PYY: variants seen among roughly 807,000 people sequenced by gnomAD.
PYY encodes the protein peptide YY, also known as peptide tyrosine tyrosine.
PYY carries 12 observed loss-of-function variants against 10.3 expected under a neutral mutation model. That is an observed-to-expected ratio of 1.17 (90% CI 0.75 to 1.89). The LOEUF is 1.89. Among genes scored for constraint, PYY ranks in the 40% most tolerant of loss-of-function variants. The probability of loss-of-function intolerance (pLI) is 0.00; values close to 1 mark genes in which losing one functional copy is unlikely to be tolerated. For synonymous variants in PYY, 66 were observed against 62.0 expected (o/e 1.06, Z -0.30); for missense variants, 141 against 134.0 (o/e 1.05, Z -0.26).
intron 1 of PYY, among the ~76,000 whole-genome samples, chr17:43,975,079 G>C (rs2048819925): frequency 6.6e-6 from 1 of 152,120 alleles, no homozygotes; most frequent in Non-Finnish European, 1.5e-5. Context: ...ATGTCTGCAG[G>C]ATGTCAGGAG....
At chr17:43,959,509 C>T (rs905794208) in intron 2 of PYY, among the ~76,000 whole-genome samples, 2 of 152,116 alleles carry the variant, frequency 1.3e-5, no homozygotes, top group Non-Finnish European at 2.9e-5. Context: ...TGTCGAAACC[C>T]TGTCTGTACT....
At chr17:43,975,729 T>A (rs201974600) in intron 1 of PYY, among the ~76,000 whole-genome samples, 5,259 of 65,216 alleles carry the variant, frequency 0.081, 1,577 homozygotes, top group East Asian at 0.59. Flanking sequence ...AAAAAAAATA[T>A]ATATATATAT....
chr17:43,993,649 T>C (rs141654277), intron 1 of PYY, among the ~76,000 whole-genome samples: 2 of 151,298 alleles, frequency 1.3e-5, no homozygotes, highest in East Asian at 1.9e-4. Context: ...TGCTGTGACA[T>C]ACTGATAAGT....
intron 1 of PYY, among the ~76,000 whole-genome samples, chr17:43,999,571 A>G (rs1230824923): frequency 2.0e-5 from 3 of 151,944 alleles, no homozygotes; most frequent in Admixed American, 1.3e-4. Context: ...GTTCAAGACC[A>G]GTCTGGCTAA....
intron 1 of PYY, among the ~76,000 whole-genome samples, chr17:43,997,490 G>A (rs1307850672): frequency 1.3e-5 from 2 of 152,204 alleles, no homozygotes; most frequent in African/African-American, 4.8e-5. Context: ...TATGTGAAGA[G>A]GTCCTCATGG....
At chr17:43,974,058 T>C (rs1198195061) in intron 1 of PYY, among the ~76,000 whole-genome samples, 1 of 152,150 alleles carries the variant, frequency 6.6e-6, no homozygotes, top group East Asian at 1.9e-4. Context: ...CATAGTCTGG[T>C]GAGTATGAAT....
intron 1 of PYY, among the ~76,000 whole-genome samples, chr17:43,991,842 C>T (rs1011895157): frequency 1.3e-5 from 2 of 150,820 alleles, no homozygotes; most frequent in Admixed American, 6.6e-5. Context: ...AAAAAAAGGC[C>T]GGGCGCGGTG....
At chr17:43,994,164 A>T (rs201855455) in intron 1 of PYY, among the ~76,000 whole-genome samples, 3 of 147,102 alleles carry the variant, frequency 2.0e-5, no homozygotes, top group African/African-American at 5.0e-5. Context: ...TGAAAAAAAA[A>T]TTTTAAAAAA....
intron 1 of PYY, among the ~76,000 whole-genome samples, chr17:43,995,494 C>T: frequency 6.6e-6 from 1 of 151,950 alleles, no homozygotes; most frequent in East Asian, 1.9e-4. Flanking sequence ...CAATACCTCC[C>T]ATCCCACATG....
chr17:43,997,825 C>G (rs537742065), intron 1 of PYY, among the ~76,000 whole-genome samples: 12 of 151,932 alleles, frequency 7.9e-5, no homozygotes, highest in Non-Finnish European at 1.6e-4. Flanking sequence ...AGGGTGGTAT[C>G]CTGGAGGAGG....
chr17:43,995,425 G>A (rs150176595), intron 1 of PYY, among the ~76,000 whole-genome samples: 34 of 151,564 alleles, frequency 2.2e-4, no homozygotes, highest in African/African-American at 7.7e-4. Flanking sequence ...CCGCCTCCCG[G>A]GTTCAAGTGA....
At chr17:43,990,437 T>A (rs1230065798) in intron 1 of PYY, among the ~76,000 whole-genome samples, 5 of 84,204 alleles carry the variant, frequency 5.9e-5, no homozygotes, top group South Asian at 4.5e-4. Context: ...AGACTCCATC[T>A]CAAAAAAAAA....
chr17:43,953,287 T>A lies in PYY; in HGVS notation c.188+9A>T, dbSNP rs978108957. ...AGCCCCAGGGGTCCCGCTCCGCGCC[T>A]GCGCTCACCGCTGCCGGGTGACCAG... On this transcript the variant is annotated intron_variant, in intron 2 of 3. Coordinates refer to ENST00000692052, the MANE Select transcript of PYY (RefSeq NM_001394028.1). 6.2e-7 allele frequency: 1 copy of A among 1,610,984 alleles called. No individual in the cohort carries two copies. Among genetic ancestry groups the A allele is most frequent in the Non-Finnish European group, 8.5e-7 (1 of 1,178,526 alleles).
intron 1 of PYY, among the ~76,000 whole-genome samples, chr17:43,998,020 C>A (rs568222747): frequency 2.6e-5 from 4 of 152,208 alleles, no homozygotes; most frequent in East Asian, 1.9e-4. Flanking sequence ...CTCACTGGAA[C>A]CTCCACCTCC....
At chr17:43,998,532 T>C (rs1012735304) in intron 1 of PYY, among the ~76,000 whole-genome samples, 10 of 152,082 alleles carry the variant, frequency 6.6e-5, no homozygotes, top group South Asian at 2.1e-4. Context: ...CACTTCAATC[T>C]GGGTGACAGA....
intron 1 of PYY, among the ~76,000 whole-genome samples, chr17:43,993,032 C>T (rs1354483893): frequency 6.6e-6 from 1 of 152,040 alleles, no homozygotes; most frequent in Non-Finnish European, 1.5e-5. Context: ...AAAAATGCTG[C>T]GCCGGGCGCT....
chr17:44,001,186 G>C (rs2049024211), intron 1 of PYY, among the ~76,000 whole-genome samples: 1 of 152,138 alleles, frequency 6.6e-6, no homozygotes, highest in Non-Finnish European at 1.5e-5. Flanking sequence ...TTCATGCCCT[G>C]CTGGGCTGAG....
chr17:43,968,185 A>G (rs2048766966), intron 1 of PYY, among the ~76,000 whole-genome samples: 1 of 152,086 alleles, frequency 6.6e-6, no homozygotes, highest in South Asian at 2.1e-4. Flanking sequence ...GTAAGACACC[A>G]GCCTGGGCGT....
At chr17:43,973,383 T>C (rs1332191503) in intron 1 of PYY, among the ~76,000 whole-genome samples, 1 of 152,168 alleles carries the variant, frequency 6.6e-6, no homozygotes, top group African/African-American at 2.4e-5. Flanking sequence ...CTGAACTCAA[T>C]TGAACATGGA....
Sources: gnomAD v4.1 joint callset for allele counts (sites outside exome capture counted in the v4.1 genomes callset) on GRCh38, gnomAD v4.1.1 for gene constraint, MANE v1.5 for transcripts, NCBI Gene and HGNC (gene_info 2026-07-23, HGNC 2026-07-21) for gene names.